COL22A1: variants seen among roughly 807,000 people sequenced by gnomAD.
The protein encoded by COL22A1 is collagen type XXII alpha 1 chain.
A neutral mutation model predicts 248.9 loss-of-function variants in COL22A1; 221 were observed. The ratio of observed to expected loss-of-function variants is 0.89; its 90% CI spans 0.80 to 0.99. The LOEUF (loss-of-function observed/expected upper bound fraction) is 0.99. Among genes scored for constraint, COL22A1 ranks in the 50% least tolerant of loss-of-function variants. COL22A1 has a pLI of 0.00. For synonymous variants in COL22A1, 891 were observed against 793.4 expected (o/e 1.12, Z -2.07); for missense variants, 2,240 against 2,179.0 (o/e 1.03, Z -0.56).
At chr8:138,718,145 G>C (rs187460806) in intron 27 of COL22A1, among the ~76,000 whole-genome samples, 10 of 151,916 alleles carry the variant, frequency 6.6e-5, no homozygotes, top group Admixed American at 5.9e-4. Context: ...GTAATTAAAA[G>C]TGTGGCTTAG....
chr8:138,623,812 C>T, intron 51 of COL22A1, 27 bp from the exon 52 acceptor site: 1 of 1,606,742 alleles, frequency 6.2e-7, no homozygotes, highest in Non-Finnish European at 8.5e-7. Context: ...AATTGGTTAT[C>T]AGGTCAAAGA....
At chr8:138,770,630 C>G (rs2318333) in intron 16 of COL22A1, among the ~76,000 whole-genome samples, 6 of 152,044 alleles carry the variant, frequency 3.9e-5, no homozygotes, top group Middle Eastern at 3.2e-3. Flanking sequence ...AAGATGGAAA[C>G]CTTCTTGCTG....
intron 1 of COL22A1, among the ~76,000 whole-genome samples, chr8:138,889,643 G>A (rs1312781252): frequency 6.6e-6 from 1 of 152,124 alleles, no homozygotes; most frequent in African/African-American, 2.4e-5. Context: ...CAGCACACCA[G>A]CATGGCACGT....
chr8:138,812,073 C>G, intron 8 of COL22A1, 152 bp from the exon 9 acceptor site: 1 of 957,630 alleles, frequency 1.0e-6, no homozygotes, highest in Non-Finnish European at 1.5e-6. Context: ...GGGCAGAAAG[C>G]CTGGCCGGCC....
chr8:138,833,676 T>A (rs1056965248), intron 4 of COL22A1, among the ~76,000 whole-genome samples: 4 of 152,236 alleles, frequency 2.6e-5, no homozygotes, highest in African/African-American at 7.2e-5. Flanking sequence ...CTGCATTATT[T>A]GAAATGATTT....
chr8:138,721,338 T>C (rs1476073972), intron 26 of COL22A1, among the ~76,000 whole-genome samples: 1 of 152,224 alleles, frequency 6.6e-6, no homozygotes, highest in African/African-American at 2.4e-5. Flanking sequence ...CTGGGTGTGC[T>C]CACAGGAAAG....
chr8:138,671,626 A>G (rs991356658), intron 41 of COL22A1, among the ~76,000 whole-genome samples: 2 of 152,232 alleles, frequency 1.3e-5, no homozygotes, highest in Non-Finnish European at 1.5e-5. Flanking sequence ...TAAACACTGA[A>G]TAACACCAGA....
intron 3 of COL22A1, among the ~76,000 whole-genome samples, chr8:138,862,993 G>C (rs775568264): frequency 1.3e-5 from 2 of 152,194 alleles, no homozygotes; most frequent in Non-Finnish European, 2.9e-5. Context: ...TAAGTAAAGA[G>C]GGGACAGAGG....
intron 2 of COL22A1, among the ~76,000 whole-genome samples, chr8:138,879,634 T>C (rs906394069): frequency 7.4e-6 from 1 of 134,536 alleles, no homozygotes; most frequent in Middle Eastern, 4.5e-3. Context: ...GAGGTTGCAG[T>C]GAGCCAATAT....
At chr8:138,693,742 G>T in intron 34 of COL22A1, 43 bp from the exon 35 acceptor site, 2 of 1,545,948 alleles carry the variant, frequency 1.3e-6, no homozygotes, top group Non-Finnish European at 1.8e-6. Context: ...GACACCCTCA[G>T]TGATGCTGTT....
At chr8:138,596,408 C>CATTA (rs1218399459) in intron 62 of COL22A1, among the ~76,000 whole-genome samples, 1 of 152,222 alleles carries the variant, frequency 6.6e-6, no homozygotes, top group Non-Finnish European at 1.5e-5. Flanking sequence ...AGGAAGCCTT[C>CATTA]ATTAATCCAC....
intron 37 of COL22A1, among the ~76,000 whole-genome samples, chr8:138,688,491 A>G (rs1826545573): frequency 6.6e-6 from 1 of 152,094 alleles, no homozygotes; most frequent in African/African-American, 2.4e-5. Context: ...ACTGCACTCC[A>G]GCCTCAGTGG....
At chr8:138,786,140 A>G (rs1815496334) in intron 12 of COL22A1, among the ~76,000 whole-genome samples, 1 of 152,152 alleles carries the variant, frequency 6.6e-6, no homozygotes, top group Non-Finnish European at 1.5e-5. Context: ...TAACTTCAGA[A>G]TTGGTCTTCC....
chr8:138,853,814 A>G (rs1821814982), intron 3 of COL22A1, among the ~76,000 whole-genome samples: 1 of 152,224 alleles, frequency 6.6e-6, no homozygotes, highest in Non-Finnish European at 1.5e-5. Context: ...GGGAAGACGA[A>G]CACTTACAAG....
At chr8:138,738,039 CA>C (rs1162563434) in intron 22 of COL22A1, among the ~76,000 whole-genome samples, 4 of 152,146 alleles carry the variant, frequency 2.6e-5, no homozygotes, top group Non-Finnish European at 5.9e-5. Context: ...TTCAGCTTGC[CA>C]TTCAACCTGT....
chr8:138,652,999 G>T (rs936817112), intron 45 of COL22A1, among the ~76,000 whole-genome samples: 1 of 151,808 alleles, frequency 6.6e-6, no homozygotes, highest in Non-Finnish European at 1.5e-5. Flanking sequence ...CACCTGCTTC[G>T]GCCTCCCTAA....
rs144114571 is a variant in COL22A1 at position 138,733,602 on chromosome 8, G to C, written c.2139+3922C>G. ...ATGTTTCCCTTTACTTCTCCCCACT[G>C]CTCTTTCAGGGATAGGCTGCCATGG... On this transcript the variant is annotated intron_variant, in intron 23 of 64. Transcript: ENST00000303045. Among the ~76,000 whole-genome samples, 794 of 152,276 alleles carry C rather than the reference G, an allele frequency of 5.2e-3. 7 individuals carry two copies. Among genetic ancestry groups the C allele is most frequent in the Middle Eastern group, 0.01 (3 of 294 alleles).
At chr8:138,807,242 C>T (rs905794769) in intron 10 of COL22A1, among the ~76,000 whole-genome samples, 34 of 152,088 alleles carry the variant, frequency 2.2e-4, no homozygotes, top group Admixed American at 1.8e-3. Flanking sequence ...CTTTCAAACA[C>T]GGGATGATGG....
chr8:138,744,158 G>A (rs1359345619), intron 22 of COL22A1, among the ~76,000 whole-genome samples: 1 of 152,158 alleles, frequency 6.6e-6, no homozygotes. Context: ...CCACCTGGTA[G>A]AGCAGGAAAA....
Sources: gnomAD v4.1 joint callset for allele counts (sites outside exome capture counted in the v4.1 genomes callset) on GRCh38, gnomAD v4.1.1 for gene constraint, MANE v1.5 for transcripts, NCBI Gene and HGNC (gene_info 2026-07-23, HGNC 2026-07-21) for gene names.